SPEF2: variants seen among roughly 807,000 people sequenced by gnomAD.
SPEF2 encodes sperm flagella and cilia-associated protein 2.
Under a neutral mutation model 224.6 loss-of-function variants are expected in SPEF2, and 187 were observed. The ratio of observed to expected loss-of-function variants is 0.83; its 90% CI spans 0.74 to 0.94. The LOEUF is 0.94. SPEF2 is among the 40% of genes least tolerant of loss of function. SPEF2 has a pLI of 0.00. For missense variants in SPEF2, 2,170 were observed against 2,135.6 expected (o/e 1.02, Z -0.32); for synonymous variants, 715 against 707.3 (o/e 1.01, Z -0.17).
intron 36 of SPEF2, among the ~76,000 whole-genome samples, chr5:35,812,103 T>G (rs1363818780): frequency 6.6e-6 from 1 of 152,158 alleles, no homozygotes; most frequent in Non-Finnish European, 1.5e-5. Flanking sequence ...TTACTTTTGA[T>G]GGCAAAGAAC....
At chr5:35,747,299 G>A (rs1474230468) in intron 23 of SPEF2, among the ~76,000 whole-genome samples, 1 of 152,056 alleles carries the variant, frequency 6.6e-6, no homozygotes, top group Admixed American at 6.6e-5. Context: ...AAGTACACAG[G>A]CAACAAAGAG....
rs140401265 is a variant in SPEF2 at position 35,770,665 on chromosome 5, C to A, written c.3802-944C>A. On this transcript the variant is annotated intron_variant, in intron 26 of 36. Coordinates refer to ENST00000356031, the MANE Select transcript of SPEF2 (RefSeq NM_024867.4). ...TTAGCATAATGTCCTCCAGGTTCGT[C>A]TGTGTTGTCATGGGACAAGGTTTTT... Among the ~76,000 whole-genome samples, 34 of 152,262 alleles carry A rather than the reference C, an allele frequency of 2.2e-4. No individual in the cohort carries two copies. The East Asian group carries it at 5.0e-3, about 23-fold the overall frequency.
rs77981926 is a variant in SPEF2, at chr5:35,739,883, T to C, written c.3064-36T>C. ...ACTATTATTCAGAAGAACTTTCATT[T>C]TGAAGTAACAGTTTCTACACTTTAC... On this transcript the variant is annotated intron_variant, in intron 21 of 36. Transcript: ENST00000356031. The C allele has an allele frequency of 1.6e-3, 2,597 of 1,605,632 alleles. 31 individuals carry two copies. The African/African-American group carries it at 0.032, about 20-fold the overall frequency.
At chr5:35,708,656 C>A (rs1341949606) in intron 18 of SPEF2, among the ~76,000 whole-genome samples, 2 of 6,450 alleles carry the variant, frequency 3.1e-4, no homozygotes. Flanking sequence ...ACCTCCACCA[C>A]CACTACCACC....
intron 20 of SPEF2, among the ~76,000 whole-genome samples, 168 bp downstream of exon 20, chr5:35,713,054 C>A (rs1171403177): frequency 6.6e-6 from 1 of 152,112 alleles, no homozygotes; most frequent in African/African-American, 2.4e-5. Context: ...TGCATCCTGG[C>A]GCTTACCAAA....
chr5:35,669,942 T>A, intron 9 of SPEF2, 117 bp from the exon 10 acceptor site: 1 of 765,634 alleles, frequency 1.3e-6, no homozygotes, highest in Non-Finnish European at 2.1e-6. Flanking sequence ...CATTTTTCAG[T>A]AATTATTTCT....
chr5:35,675,074 A>G (rs189700662), intron 10 of SPEF2, among the ~76,000 whole-genome samples: 93 of 152,268 alleles, frequency 6.1e-4, no homozygotes, highest in Middle Eastern at 3.4e-3. Context: ...CCTGAAAAAT[A>G]TGATGGTTTC....
chr5:35,753,879 GCACTA>G, intron 24 of SPEF2, 118 bp downstream of exon 24: 1 of 1,249,802 alleles, frequency 8.0e-7, no homozygotes, highest in Non-Finnish European at 1.1e-6. Flanking sequence ...TTTTGGTATA[GCACTA>G]TGCCTGGTAT....
chr5:35,636,309 G>T (rs988386397), intron 2 of SPEF2, among the ~76,000 whole-genome samples: 7 of 152,156 alleles, frequency 4.6e-5, no homozygotes, highest in Non-Finnish European at 1.5e-5. Context: ...TGTTTTCAAT[G>T]CTCTGGCAGT....
intron 20 of SPEF2, among the ~76,000 whole-genome samples, chr5:35,715,923 T>G (rs1472551167): frequency 6.6e-6 from 1 of 150,948 alleles, no homozygotes; most frequent in Non-Finnish European, 1.5e-5. Context: ...AGCGTATCAG[T>G]TAGATTCATA....
intron 32 of SPEF2, among the ~76,000 whole-genome samples, chr5:35,793,696 A>C (rs1362742783): frequency 6.6e-6 from 1 of 151,422 alleles, no homozygotes; most frequent in African/African-American, 2.4e-5. Flanking sequence ...CCAATACTCT[A>C]AGCTCCCAGC....
intron 10 of SPEF2, among the ~76,000 whole-genome samples, chr5:35,674,943 G>T (rs1173384870): frequency 2.0e-5 from 3 of 152,122 alleles, no homozygotes; most frequent in African/African-American, 7.2e-5. Context: ...TTCTTGCCAA[G>T]AAGTCTTAAT....
At chr5:35,800,455 A>T (rs1484733061) in intron 34 of SPEF2, among the ~76,000 whole-genome samples, 2 of 152,178 alleles carry the variant, frequency 1.3e-5, no homozygotes, top group Admixed American at 6.5e-5. Context: ...ATGAAACAGA[A>T]ATGGGTATCA....
chr5:35,710,293 C>T (rs1433226739), intron 19 of SPEF2: 7 of 971,180 alleles, frequency 7.2e-6, no homozygotes, highest in South Asian at 9.5e-5. Context: ...CATGGTGGCT[C>T]ATCCCTGTAA....
intron 30 of SPEF2, among the ~76,000 whole-genome samples, chr5:35,785,496 T>A (rs1250616395): frequency 2.0e-5 from 3 of 151,980 alleles, no homozygotes; most frequent in Non-Finnish European, 4.4e-5. Context: ...GAAATTAAAT[T>A]TTTTTAATTT....
At chr5:35,675,207 T>C (rs939488529) in intron 10 of SPEF2, among the ~76,000 whole-genome samples, 2 of 152,182 alleles carry the variant, frequency 1.3e-5, no homozygotes, top group Non-Finnish European at 2.9e-5. Flanking sequence ...AAATTCTGCC[T>C]GTCATTGCAC....
intron 21 of SPEF2, among the ~76,000 whole-genome samples, chr5:35,731,973 A>G (rs1745713330): frequency 6.6e-6 from 1 of 152,322 alleles, no homozygotes; most frequent in South Asian, 2.1e-4. Flanking sequence ...CTAAATACTT[A>G]AGAAAAGGCA....
chr5:35,758,599 A>G (rs886068783), intron 24 of SPEF2, among the ~76,000 whole-genome samples: 1 of 152,160 alleles, frequency 6.6e-6, no homozygotes, highest in Non-Finnish European at 1.5e-5. Flanking sequence ...TTCACAAGGT[A>G]CTTACTGGCA....
At position 35,697,707 on chromosome 5, in the gene SPEF2, G is replaced by T; in HGVS notation, c.2055G>T (p.Gln685His). Residue 685 changes from glutamine to histidine, a missense_variant, in exon 15 of 37, where the codon CAG becomes CAT. Transcript: ENST00000356031. ...DSFLKLTTRA[Q>H]LGAKSEQLLK... Reference sequence around the variant, plus strand: ...TTTCCCAGCTCACTACACGTGCTCAGCTTGGTGCAAAATCAGAACAGTTGC... The same window carrying T: ...TTTCCCAGCTCACTACACGTGCTCATCTTGGTGCAAAATCAGAACAGTTGC... 6.2e-7 allele frequency: 1 copy of T among 1,613,284 alleles called. No individual in the cohort carries two copies. Among genetic ancestry groups the T allele is most frequent in the Non-Finnish European group, 8.5e-7 (1 of 1,179,590 alleles).
Sources: allele counts gnomAD v4.1 joint callset (sites outside exome capture counted in the v4.1 genomes callset), GRCh38; gene constraint gnomAD v4.1.1; transcripts MANE v1.5; gene names NCBI Gene and HGNC (gene_info 2026-07-23, HGNC 2026-07-21).